PLEC: variants seen among roughly 807,000 people sequenced by gnomAD.
The protein encoded by PLEC is hemidesmosomal protein 1.
Under a neutral mutation model 392.8 loss-of-function variants are expected in PLEC, and 216 were observed. The ratio of observed to expected loss-of-function variants is 0.55; its 90% CI spans 0.49 to 0.62. PLEC has a LOEUF of 0.62. PLEC is among the 20% of genes least tolerant of loss of function. PLEC has a pLI of 0.00. For synonymous variants in PLEC, 3,621 were observed against 2,980.6 expected, an observed-to-expected ratio of 1.21 and a Z score of -7.00; for missense variants, 6,863 against 6,563.4, an observed-to-expected ratio of 1.05 and a Z score of -1.58.
At position 143,917,087 on chromosome 8, in the gene PLEC, G is replaced by A; in HGVS notation, c.12734C>T (p.Ser4245Phe). Residue 4245 changes from serine (S) to phenylalanine (F), a missense_variant, in exon 32 of 32, where the codon TCC becomes TTC. Transcript: ENST00000345136. ...GGAGGATCCCACCGAGGAGGAACGG[G>A]AGCGGAAACCACCGGCGTTGCCCGA... ...MLSGNAGGFR[S>F]RSSSVGSSSS... is the part of the protein sequence containing the mutation. The A allele has an allele frequency of 6.2e-7, 1 of 1,606,710 alleles. No homozygotes were observed. Among genetic ancestry groups the A allele is most frequent in the Non-Finnish European group, 8.5e-7 (1 of 1,174,628 alleles).
chr8:143,922,466 C>T (rs199523036), intron 31 of PLEC, 38 bp downstream of exon 31: 20 of 1,602,014 alleles, frequency 1.2e-5, no homozygotes, highest in Admixed American at 5.0e-5. Context: ...AGCAGATCCC[C>T]GGGCCCACCC....
rs782797407 is a variant in PLEC, at chr8:143,930,510, G to A, written c.2331C>T (p.Tyr777=). ...TGGCCAGGCCTGAGAGGTGGCCCTTGTACTCGTTCAGCTGTTCCTTCTCGT... is the reference window on the plus strand; with the variant it reads ...TGGCCAGGCCTGAGAGGTGGCCCTTATACTCGTTCAGCTGTTCCTTCTCGT... ...AQDEKEQLNE[Y]KGHLSGLAKR... is the part of the protein sequence containing the mutation. The change falls in exon 20 of 32, where the codon TAC becomes TAT. Residue 777 remains tyrosine (Y), a synonymous_variant. Coordinates refer to ENST00000345136, the MANE Select transcript of PLEC (RefSeq NM_201384.3). 4 of 1,596,664 alleles carry A rather than the reference G, an allele frequency of 2.5e-6. No homozygotes were observed. In the African/African-American group the frequency reaches 5.4e-5, roughly 21 times the overall value.
At chr8:143,946,440 C>T (rs539101702) in intron 1 of PLEC, 14 of 1,278,948 alleles carry the variant, frequency 1.1e-5, no homozygotes, top group South Asian at 6.2e-5. Flanking sequence ...GGGAGGAAGG[C>T]GAGGCAGGAA....
Position 143,933,073 on chromosome 8 carries a change from G to T in PLEC, c.1457C>A (p.Thr486Asn), listed in dbSNP as rs1554718834. The change falls in exon 14 of 32, where the codon ACC becomes AAC. Residue 486 changes from threonine to asparagine, a missense_variant. By Grantham distance (65) the Thr-to-Asn change is moderately conservative. Coordinates refer to ENST00000345136, the MANE Select transcript of PLEC (RefSeq NM_201384.3). ...RLHERLVAIRTEYNLRLKAGV... is the reference protein window; with the variant it reads ...RLHERLVAIRNEYNLRLKAGV... The stretch of plus-strand genomic sequence containing the variant: ...TGCCTTCAGCCGTAGGTTGTACTCG[G>T]TGCGGATGGCTACCAGGCGCTCGTG... The T allele has an allele frequency of 1.3e-6, 2 of 1,590,390 alleles. No homozygotes were observed. The highest frequency in any genetic ancestry group is 1.7e-6 in the Non-Finnish European group (2 of 1,170,362).
rs62642469 is a variant in PLEC at position 143,924,064 on chromosome 8, C to A, written c.5865G>T (p.Ala1955=). 6.3e-7 allele frequency: 1 copy of A among 1,597,616 alleles called. No homozygotes were observed. The highest frequency in any genetic ancestry group is 1.1e-5 in the South Asian group (1 of 90,864). ...GCTCCTTGCTGCGCAGCGTGTCCTC[C>A]GCGTTGCTGCGGATGCGTCCCAGCT... is the stretch of plus-strand genomic sequence containing the variant. ...ELELGRIRSN[A]EDTLRSKEQA... is the part of the protein sequence containing the mutation. Residue 1955 remains alanine, a synonymous_variant, in exon 31 of 32, where the codon GCG becomes GCT. Transcript: ENST00000345136.
Position 143,969,792 on chromosome 8 carries a change from T to C in PLEC, c.70+3611A>G, listed in dbSNP as rs1193189017. On this transcript the variant is annotated intron_variant, in intron 1 of 31. Transcript: ENST00000356346. This position sits in a 1 kb window ranked among gnomAD's most constrained non-coding sequence, Gnocchi z 5.1. ...TAGGTTGTCATGTTAGGGATGGGAGTGGGGCTTAGGGGTGCTGTGAGGTGG... is the reference window on the plus strand; with the variant it reads ...TAGGTTGTCATGTTAGGGATGGGAGCGGGGCTTAGGGGTGCTGTGAGGTGG... 6.9e-6 allele frequency among the ~76,000 whole-genome samples: 1 copy of C among 144,480 alleles called. No homozygotes were observed. The highest frequency in any genetic ancestry group is 2.6e-5 in the African/African-American group (1 of 38,140). The allele number at this position is 144,480 out of a possible 152,430, so 94.8% of individuals were successfully genotyped here.
At chr8:143,939,162 G>C (rs1829887599) in intron 1 of PLEC, among the ~76,000 whole-genome samples, 188 bp downstream of exon 1, 1 of 152,196 alleles carries the variant, frequency 6.6e-6, no homozygotes, top group Admixed American at 6.5e-5. Context: ...CTGACGCTCG[G>C]AGGCCCCCGT....
At position 143,923,640 on chromosome 8, in the gene PLEC, G is replaced by A. The variant is rs1362358927; in HGVS notation, c.6289C>T (p.Arg2097Trp). 6.3e-6 allele frequency: 10 copies of A among 1,581,366 alleles called. No individual in the cohort carries two copies. Among genetic ancestry groups the A allele is most frequent in the Admixed American group, 1.7e-5 (1 of 58,512 alleles). Residue 2097 changes from arginine to tryptophan, a missense_variant, in exon 31 of 32, where the codon CGG becomes TGG. Transcript: ENST00000345136. ...RRAAEEAEEA[R>W]VQAEREAAQS... ...GCCGCCTCACGCTCCGCCTGCACCCGGGCCTCCTCCGCCTCCTCAGCCGCC... is the reference window on the plus strand; with the variant it reads ...GCCGCCTCACGCTCCGCCTGCACCCAGGCCTCCTCCGCCTCCTCAGCCGCC...
intron 1 of PLEC, among the ~76,000 whole-genome samples, chr8:143,968,216 G>T (rs1833215954): frequency 1.3e-5 from 2 of 151,770 alleles, no homozygotes; most frequent in Non-Finnish European, 2.9e-5. Context: ...CTTAAATATG[G>T]CACCAAAAGC....
chr8:143,935,038 CGGCACGCGG>C lies in PLEC; in HGVS notation c.789_797del (p.Arg264_Pro266del). The C allele has an allele frequency of 6.2e-7, 1 of 1,612,748 alleles. No homozygotes were observed. ...TGGCCCTCACCCCATCCTGCACGTC[CGGCACGCGG>C]GGCATGGCGTCATACAGCGACGAGA... On this transcript the variant is annotated inframe_deletion, in exon 8 of 32. Coordinates refer to ENST00000345136, the MANE Select transcript of PLEC (RefSeq NM_201384.3).
intron 8 of PLEC, 33 bp downstream of exon 8, chr8:143,934,978 C>T: frequency 6.2e-7 from 1 of 1,611,240 alleles, no homozygotes; most frequent in Non-Finnish European, 8.5e-7. Context: ...GCGTCCAGGC[C>T]CAAGCCCCCT....
chr8:143,955,788 C>T (rs1832555820), upstream of PLEC, among the ~76,000 whole-genome samples: 2 of 151,802 alleles, frequency 1.3e-5, no homozygotes, highest in South Asian at 2.1e-4. Flanking sequence ...TTTATACAGA[C>T]AGTCTGTCTC....
At chr8:143,949,030 G>A (rs782244298) in intron 1 of PLEC, among the ~76,000 whole-genome samples, 26 of 152,224 alleles carry the variant, frequency 1.7e-4, no homozygotes, top group Non-Finnish European at 3.4e-4. Flanking sequence ...AGAGAGCCAG[G>A]AGGGGAGGCC....
chr8:143,950,069 C>A, intron 1 of PLEC: 1 of 1,338,800 alleles, frequency 7.5e-7, no homozygotes, highest in Non-Finnish European at 9.9e-7. Context: ...GTGTGAGCGA[C>A]GCTCCGCAAG....
intron 1 of PLEC, chr8:143,950,076 C>T: frequency 7.2e-7 from 1 of 1,385,648 alleles, no homozygotes; most frequent in Non-Finnish European, 9.5e-7. Flanking sequence ...CGACGCTCCG[C>T]AAGCCGGCTG....
In PLEC at chr8:143,931,648, ATC is replaced by A. The variant is rs1554715600; in HGVS notation, c.2188_2189del (p.Asp730CysfsTer17). 6.2e-7 allele frequency: 1 copy of A among 1,600,482 alleles called. No homozygotes were observed. Among genetic ancestry groups the A allele is most frequent in the Admixed American group, 1.7e-5 (1 of 58,326 alleles). On this transcript the variant is annotated frameshift_variant, in exon 19 of 32. Transcript: ENST00000345136. LOFTEE classifies it high-confidence loss of function. ...ENAAYFQFFSDVREAEGQLQK... is the reference protein window; with the variant it reads ...ENAAYFQFFSXVREAEGQLQK... ...GCAACTGCCCCTCGGCCTCCCGCAC[ATC>A]TGAGAAGAACTGGGGCAGCGGGAGG...
chr8:143,947,024 C>T (rs527833943), intron 1 of PLEC, among the ~76,000 whole-genome samples: 1 of 152,150 alleles, frequency 6.6e-6, no homozygotes, highest in African/African-American at 2.4e-5. Flanking sequence ...CAAATCCCAT[C>T]GTAACTACCC....
chr8:143,944,885 G>C (rs1285093316), intron 1 of PLEC: 22 of 495,826 alleles, frequency 4.4e-5, no homozygotes, highest in Admixed American at 1.7e-4. Context: ...TCACCACCCA[G>C]ACTTGGAACA....
chr8:143,954,718 C>T (rs1021047099), upstream of PLEC, among the ~76,000 whole-genome samples: 9 of 152,218 alleles, frequency 5.9e-5, no homozygotes, highest in African/African-American at 1.4e-4. This position sits in a 1 kb window ranked among gnomAD's most constrained non-coding sequence, Gnocchi z 4.6. Context: ...TCACTCACTG[C>T]GCTGCAGGGG....
Sources: gnomAD v4.1 joint callset for allele counts (sites outside exome capture counted in the v4.1 genomes callset) on GRCh38, gnomAD v4.1.1 for gene constraint, Gnocchi (gnomAD v3.1) non-coding constraint, MANE v1.5 for transcripts, NCBI Gene and HGNC (gene_info 2026-07-23, HGNC 2026-07-21) for gene names.